Variants in RAP1A observed in about 807,000 individuals in gnomAD.
The protein encoded by RAP1A is ras-related protein Rap-1A.
A neutral mutation model predicts 26.4 loss-of-function variants in RAP1A; 6 were observed. The observed-to-expected ratio is 0.23, with a 90% CI of 0.12 to 0.45. RAP1A has a LOEUF of 0.45. Ranked by LOEUF, RAP1A falls within the 20% of genes least tolerant of loss-of-function variation. RAP1A has a pLI of 0.99. For missense variants in RAP1A, 121 were observed against 217.2 expected, an observed-to-expected ratio of 0.56 and a Z score of 2.78; for synonymous variants, 73 against 79.4, an observed-to-expected ratio of 0.92 and a Z score of 0.43.
intron 1 of RAP1A, among the ~76,000 whole-genome samples, chr1:111,673,039 A>G (rs1027598611): frequency 3.9e-5 from 6 of 152,106 alleles, no homozygotes; most frequent in African/African-American, 1.4e-4. Flanking sequence ...TGTCTTTCAT[A>G]CATTCCATCT....
chr1:111,574,880 T>C (rs1391616616), intron 1 of RAP1A, among the ~76,000 whole-genome samples: 1 of 152,258 alleles, frequency 6.6e-6, no homozygotes, highest in Non-Finnish European at 1.5e-5. Context: ...GAAATAATTA[T>C]GTGATCTGTG....
At position 111,624,755 on chromosome 1, in the gene RAP1A, A is replaced by T. The variant is rs563040143; in HGVS notation, c.-28+4821A>T. Among the ~76,000 whole-genome samples, 82 of 152,340 alleles carry T rather than the reference A, an allele frequency of 5.4e-4. No individual in the cohort carries two copies. In the South Asian group the frequency reaches 0.017, roughly 31 times the overall value. On this transcript the variant is annotated intron_variant, in intron 1 of 7. Transcript: ENST00000369709. ...TTGAAACAGGAAATAACGTGCGTTT[A>T]TAAGTGGTTTAAAAATAATTCTTTT...
chr1:111,658,235 T>A (rs1660528127), intron 1 of RAP1A, among the ~76,000 whole-genome samples: 1 of 152,200 alleles, frequency 6.6e-6, no homozygotes, highest in Non-Finnish European at 1.5e-5. Context: ...TATTTTTCAC[T>A]TCTTTGCCAA....
At chr1:111,585,949 C>T (rs556429400) in intron 1 of RAP1A, among the ~76,000 whole-genome samples, 1 of 152,306 alleles carries the variant, frequency 6.6e-6, no homozygotes, top group East Asian at 1.9e-4. Context: ...ACAATTCCTG[C>T]CACCCTCCAT....
chr1:111,563,988 A>G (rs1316764084), intron 1 of RAP1A: 3 of 1,468,826 alleles, frequency 2.0e-6, no homozygotes, highest in Non-Finnish European at 2.9e-6. Flanking sequence ...CTGCCACAGA[A>G]GCTTCCAACA....
intron 1 of RAP1A, among the ~76,000 whole-genome samples, chr1:111,591,724 G>A (rs576983740): frequency 1.3e-5 from 2 of 152,212 alleles, no homozygotes; most frequent in African/African-American, 4.8e-5. Context: ...CCAGAGACCT[G>A]GATCCTTCTA....
intron 1 of RAP1A, among the ~76,000 whole-genome samples, chr1:111,633,464 T>A (rs1042275482): frequency 1.3e-5 from 2 of 152,196 alleles, no homozygotes; most frequent in African/African-American, 4.8e-5. Flanking sequence ...GGCAAGTGAT[T>A]TGGGAGGGAG....
At chr1:111,619,486 A>G (rs867893441), upstream of RAP1A, among the ~76,000 whole-genome samples, 5 of 152,150 alleles carry the variant, frequency 3.3e-5, no homozygotes, top group Non-Finnish European at 7.4e-5. Context: ...CAGGTGCTCA[A>G]TTAGGGCTTG....
At chr1:111,660,041 A>C (rs1286231775) in intron 1 of RAP1A, among the ~76,000 whole-genome samples, 1 of 152,194 alleles carries the variant, frequency 6.6e-6, no homozygotes, top group Non-Finnish European at 1.5e-5. Flanking sequence ...AAAGTTTCTG[A>C]CCTAAGTAGT....
chr1:111,673,327 AAAT>A (rs1661030162), intron 1 of RAP1A, among the ~76,000 whole-genome samples: 1 of 152,194 alleles, frequency 6.6e-6, no homozygotes, highest in African/African-American at 2.4e-5. Context: ...TTAATGTAAA[AAAT>A]TTTTCTCCAA....
chr1:111,622,617 A>G (rs938493523), intron 1 of RAP1A, among the ~76,000 whole-genome samples: 1 of 152,234 alleles, frequency 6.6e-6, no homozygotes, highest in Non-Finnish European at 1.5e-5. Flanking sequence ...TTGTTGACAA[A>G]CATTCCATGG....
intron 1 of RAP1A, among the ~76,000 whole-genome samples, chr1:111,628,194 C>T (rs1008837142): frequency 2.0e-5 from 3 of 152,144 alleles, no homozygotes; most frequent in African/African-American, 7.2e-5. Flanking sequence ...TAGCTATTTT[C>T]GTTAAATTTG....
At chr1:111,707,828 T>G (rs1337788679) in intron 6 of RAP1A, among the ~76,000 whole-genome samples, 1 of 152,214 alleles carries the variant, frequency 6.6e-6, no homozygotes, top group Non-Finnish European at 1.5e-5. Flanking sequence ...TGTATTTTTG[T>G]CTTTGATACT....
intron 1 of RAP1A, among the ~76,000 whole-genome samples, chr1:111,589,640 C>T (rs1025557026): frequency 1.3e-5 from 2 of 152,182 alleles, no homozygotes; most frequent in African/African-American, 4.8e-5. Flanking sequence ...ACTCCATGCA[C>T]ATACAGTTTT....
chr1:111,625,398 A>G (rs1477392947), intron 1 of RAP1A, among the ~76,000 whole-genome samples: 1 of 152,160 alleles, frequency 6.6e-6, no homozygotes, highest in Non-Finnish European at 1.5e-5. Context: ...GAATACAACT[A>G]TTTGGACATA....
upstream of RAP1A, among the ~76,000 whole-genome samples, chr1:111,617,004 G>T (rs543401143): frequency 3.9e-5 from 6 of 152,304 alleles, no homozygotes; most frequent in South Asian, 1.2e-3. Context: ...CTGGGAAAAG[G>T]TCCATACGTG....
At chr1:111,706,684 A>G in intron 6 of RAP1A, 1 of 981,938 alleles carries the variant, frequency 1.0e-6, no homozygotes, top group Non-Finnish European at 1.2e-6. Context: ...GTTCAGAGAG[A>G]TGAGGAAGAA....
chr1:111,558,986 AT>A (rs1657625984), intron 1 of RAP1A, among the ~76,000 whole-genome samples: 1 of 152,196 alleles, frequency 6.6e-6, no homozygotes, highest in Non-Finnish European at 1.5e-5. Flanking sequence ...ATTCTAACAT[AT>A]TAAAAATAAT....
At chr1:111,574,222 C>T (rs534758543) in intron 1 of RAP1A, among the ~76,000 whole-genome samples, 64 of 152,302 alleles carry the variant, frequency 4.2e-4, no homozygotes, top group African/African-American at 1.5e-3. Context: ...GAGCCCTTTC[C>T]TCATTGCTTG....
Sources: allele counts gnomAD v4.1 joint callset (sites outside exome capture counted in the v4.1 genomes callset), GRCh38; gene constraint gnomAD v4.1.1; transcripts MANE v1.5; gene names NCBI Gene and HGNC (gene_info 2026-07-23, HGNC 2026-07-21).